The following GREP1 variants were observed in gnomAD, a reference collection of about 807,000 sequenced individuals.
The protein encoded by GREP1 is glycine rich extracellular protein 1.
chr16:2,992,618 G>C lies in GREP1; in HGVS notation c.323-187G>C, dbSNP rs1490429819. 1.5e-5 allele frequency: 6 copies of C among 391,638 alleles called. No homozygotes were observed. The highest frequency in any genetic ancestry group is 6.3e-4 in the Middle Eastern group (1 of 1,588). The allele number at this position is 391,638 out of a possible 1,614,324, so 24.3% of individuals were successfully genotyped here. On this transcript the variant is annotated intron_variant, in intron 8 of 34. Coordinates refer to ENST00000573315, the Ensembl canonical transcript of GREP1. The surrounding 1 kb of genome is among the most constrained non-coding windows in gnomAD (Gnocchi z 4.9). ...ACCCAAGCTGGTCAAGGGTGGCCAC[G>C]GTCTGGACTCCCGGGCCAAGAACCA...
chr16:2,995,346 C>T (rs990485159), intron 14 of GREP1, 30 bp downstream of exon 15: 2 of 398,996 alleles, frequency 5.0e-6, no homozygotes, highest in Non-Finnish European at 8.8e-6. Context: ...GCTTCTGTCT[C>T]CCCAGTGTTC....
intron 10 of GREP1, chr16:2,993,263 C>T (rs976014325): frequency 8.0e-6 from 2 of 248,654 alleles, no homozygotes; most frequent in Non-Finnish European, 7.6e-6. Flanking sequence ...CTTCCCAGGC[C>T]TGGGAGGGGG....
intron 10 of GREP1, chr16:2,994,217 C>T (rs1004556828): frequency 6.6e-6 from 1 of 151,924 alleles, no homozygotes; most frequent in Non-Finnish European, 1.5e-5. Flanking sequence ...CCAGCAAGAT[C>T]TCAGACCTGG....
intron 7 of GREP1, 107 bp from the exon 7 acceptor site, chr16:2,990,941 C>T (rs1181163272): frequency 2.5e-5 from 10 of 398,772 alleles, no homozygotes; most frequent in African/African-American, 6.2e-5. Flanking sequence ...AAGCCAGAGG[C>T]GAGGCCGCCC....
At chr16:2,999,379 A>G (rs1352051598) in intron 27 of GREP1, 2 of 388,058 alleles carry the variant, frequency 5.2e-6, no homozygotes, top group Non-Finnish European at 9.1e-6. Flanking sequence ...TCTCCACCCC[A>G]GATCAGGGTC....
chr16:2,995,347 C>G (rs759127315), intron 14 of GREP1, 31 bp downstream of exon 15: 3 of 398,872 alleles, frequency 7.5e-6, no homozygotes, highest in Non-Finnish European at 4.4e-6. Context: ...CTTCTGTCTC[C>G]CCAGTGTTCA....
intron 7 of GREP1, 77 bp downstream of exon 6, chr16:2,990,664 GA>G (rs947053402): frequency 5.0e-6 from 2 of 398,690 alleles, no homozygotes; most frequent in African/African-American, 4.1e-5. Flanking sequence ...GTGGGGGAGG[GA>G]ATGCAGCCAG....
chr16:2,997,669 C>G (rs901187896), intron 22 of GREP1, 134 bp from the exon 21 acceptor site: 2 of 397,954 alleles, frequency 5.0e-6, no homozygotes, highest in Non-Finnish European at 8.8e-6. Context: ...CCCACAGACC[C>G]TGCAGTTCCC....
At chr16:3,001,001 A>C (rs1406398346) in intron 33 of GREP1, among the ~76,000 whole-genome samples, 174 bp downstream of exon 27, 3 of 152,090 alleles carry the variant, frequency 2.0e-5, no homozygotes, top group Non-Finnish European at 4.4e-5. Flanking sequence ...AGGAGCAGGA[A>C]GGAATGGAGC....
At chr16:2,999,992 C>T (rs2072450700) in intron 28 of GREP1, 49 bp downstream of exon 25, 2 of 399,018 alleles carry the variant, frequency 5.0e-6, no homozygotes, top group South Asian at 1.3e-4. Flanking sequence ...CTTCCTCTTC[C>T]CTCCTCTTCC....
chr16:2,995,304 G>T (rs928575100), exon 14 of GREP1: 8 of 398,846 alleles, frequency 2.0e-5, no homozygotes, highest in African/African-American at 1.6e-4. Context: ...GGACATGAAG[G>T]CACAGGAGCC....
Position 2,992,784 on chromosome 16 carries a change from C to T in GREP1, c.323-21C>T. 5.0e-6 allele frequency: 2 copies of T among 399,212 alleles called. No homozygotes were observed. Among genetic ancestry groups the T allele is most frequent in the Non-Finnish European group, 8.8e-6 (2 of 226,176 alleles). 24.7% of individuals were successfully genotyped at this position (399,212 alleles called of 1,614,324 possible). On this transcript the variant is annotated intron_variant, in intron 8 of 34. Transcript: ENST00000573315. The surrounding 1 kb of genome is among the most constrained non-coding windows in gnomAD (Gnocchi z 4.9). ...TCCCCACTGCACCACCTTCCACACT[C>T]CTGTGTCTGCCCTCAAACAGGTCCT...
intron 22 of GREP1, 95 bp from the exon 21 acceptor site, chr16:2,997,708 G>A: frequency 2.5e-6 from 1 of 398,552 alleles, no homozygotes; most frequent in Non-Finnish European, 4.4e-6. Flanking sequence ...AGGGGAGGTT[G>A]GCATGGGCAC....
At chr16:2,988,268 C>T in exon 1 of GREP1, 1 of 399,174 alleles carries the variant, frequency 2.5e-6, no homozygotes. Context: ...TCCCACTCTG[C>T]CTAGAGTCAT....
At chr16:2,988,650 A>C in intron 2 of GREP1, 28 bp downstream of exon 2, 1 of 399,196 alleles carries the variant, frequency 2.5e-6, no homozygotes, top group Non-Finnish European at 4.4e-6. Flanking sequence ...CACTGGGGTC[A>C]GGAAGAGTCT....
At chr16:3,000,184 G>C (rs1278532914) in intron 29 of GREP1, 66 bp downstream of exon 26, 1 of 399,184 alleles carries the variant, frequency 2.5e-6, no homozygotes, top group African/African-American at 2.1e-5. Context: ...GCCTGAGTCA[G>C]TCTGTCTGTC....
At chr16:2,997,426 G>C in intron 22 of GREP1, 1 of 398,982 alleles carries the variant, frequency 2.5e-6, no homozygotes, top group Non-Finnish European at 4.4e-6. Flanking sequence ...CAGGTACTGG[G>C]GGGCTGGAGT....
Position 2,992,184 on chromosome 16 carries a change from G to A in GREP1, c.323-621G>A, listed in dbSNP as rs2072402721. 1 of 152,404 alleles carries A rather than the reference G, an allele frequency of 6.6e-6. No individual in the cohort carries two copies. Among genetic ancestry groups the A allele is most frequent in the South Asian group, 2.1e-4 (1 of 4,834 alleles). The allele number at this position is 152,404 out of a possible 1,614,324, so 9.4% of individuals were successfully genotyped here. A position where few individuals can be genotyped will look rare whatever the true frequency, so the allele number is the denominator to read the frequency against. ...GGAGCCCAGCCAGGTGAGGGCAGCT[G>A]GACCACACTGGGATTCTAGAAGACA... On this transcript the variant is annotated intron_variant, in intron 8 of 34. Coordinates refer to ENST00000573315, the Ensembl canonical transcript of GREP1. This position sits in a 1 kb window ranked among gnomAD's most constrained non-coding sequence, Gnocchi z 4.9.
chr16:3,001,025 A>G (rs994092966), intron 33 of GREP1, among the ~76,000 whole-genome samples, 198 bp downstream of exon 27: 24 of 152,174 alleles, frequency 1.6e-4, no homozygotes, highest in African/African-American at 5.8e-4. Context: ...AGGAGAGGCC[A>G]GAAGAGCCCG....
Sources: allele counts gnomAD v4.1 joint callset (sites outside exome capture counted in the v4.1 genomes callset), GRCh38; gene constraint gnomAD v4.1.1; non-coding constraint Gnocchi (gnomAD v3.1); transcripts MANE v1.5; gene names NCBI Gene and HGNC (gene_info 2026-07-23, HGNC 2026-07-21).